The following RGS7BP variants were observed in gnomAD, a reference collection of about 807,000 sequenced individuals.
RGS7BP encodes the protein regulator of G protein signaling 7-binding protein.
In RGS7BP, 9 loss-of-function variants were observed where a neutral mutation model predicts 31.3. That is an observed-to-expected ratio of 0.29 (90% CI 0.17 to 0.50). The LOEUF (loss-of-function observed/expected upper bound fraction) is 0.50, where lower values mean the gene tolerates loss of function less well. RGS7BP is among the 20% of genes least tolerant of loss of function. The probability of loss-of-function intolerance (pLI) is 0.98; values close to 1 mark genes in which losing one functional copy is unlikely to be tolerated. For missense variants in RGS7BP, 274 were observed against 322.0 expected (o/e 0.85, Z 1.14); for synonymous variants, 115 against 120.1 (o/e 0.96, Z 0.28).
intron 2 of RGS7BP, among the ~76,000 whole-genome samples, chr5:64,537,451 T>C (rs1741406299): frequency 6.6e-6 from 1 of 152,122 alleles, no homozygotes; most frequent in Non-Finnish European, 1.5e-5. Context: ...AAAATAAGTT[T>C]AAGATATATA....
intron 5 of RGS7BP, among the ~76,000 whole-genome samples, chr5:64,607,962 G>A (rs1743407243): frequency 6.6e-6 from 1 of 151,996 alleles, no homozygotes; most frequent in South Asian, 2.1e-4. Context: ...CGATTGAGGT[G>A]GGGCACATTC....
chr5:64,519,693 G>A (rs1020510973), intron 2 of RGS7BP, among the ~76,000 whole-genome samples: 5 of 152,198 alleles, frequency 3.3e-5, no homozygotes, highest in African/African-American at 9.7e-5. Flanking sequence ...AGCCAACTAT[G>A]TGCTGTTCCC....
At position 64,600,285 on chromosome 5, in the gene RGS7BP, T is replaced by C. The variant is rs1224061938; in HGVS notation, c.682+1850T>C. Among the ~76,000 whole-genome samples the C allele has an allele frequency of 5.9e-5, 9 of 152,170 alleles. No homozygotes were observed. The East Asian group carries it at 1.7e-3, about 29-fold the overall frequency. On this transcript the variant is annotated intron_variant, in intron 5 of 5. Coordinates refer to ENST00000334025, the MANE Select transcript of RGS7BP (RefSeq NM_001029875.3). ...CCAGGGTCCCCCAGTCTGAATTTCATGGGTGCCACGTCACCTATATTTTAA... is the reference window on the plus strand; with the variant it reads ...CCAGGGTCCCCCAGTCTGAATTTCACGGGTGCCACGTCACCTATATTTTAA...
intron 2 of RGS7BP, among the ~76,000 whole-genome samples, chr5:64,556,228 C>A (rs915296743): frequency 1.3e-5 from 2 of 151,898 alleles, no homozygotes; most frequent in Admixed American, 1.3e-4. Flanking sequence ...TAAATTTGCA[C>A]TTTCCTGATT....
chr5:64,602,096 C>G (rs1484397730), intron 5 of RGS7BP, among the ~76,000 whole-genome samples: 1 of 152,144 alleles, frequency 6.6e-6, no homozygotes, highest in African/African-American at 2.4e-5. Flanking sequence ...AGAGATAGTT[C>G]TCCCAAACTC....
intron 2 of RGS7BP, among the ~76,000 whole-genome samples, chr5:64,563,721 T>C (rs933808271): frequency 6.6e-6 from 1 of 152,150 alleles, no homozygotes; most frequent in Non-Finnish European, 1.5e-5. Flanking sequence ...TAGTTTGTGG[T>C]AATTTGTCAT....
chr5:64,546,143 G>A (rs1741653767), intron 2 of RGS7BP, among the ~76,000 whole-genome samples: 1 of 152,048 alleles, frequency 6.6e-6, no homozygotes, highest in Admixed American at 6.6e-5. Flanking sequence ...GACAGAACAA[G>A]ACTCTGTCTC....
chr5:64,574,911 C>A (rs889830977), intron 2 of RGS7BP, among the ~76,000 whole-genome samples: 17 of 152,234 alleles, frequency 1.1e-4, no homozygotes, highest in South Asian at 2.1e-4. Flanking sequence ...ATAGAGTTCA[C>A]TTTTAGGCTT....
intron 2 of RGS7BP, among the ~76,000 whole-genome samples, chr5:64,554,234 C>G (rs932823925): frequency 6.6e-6 from 1 of 152,116 alleles, no homozygotes; most frequent in Non-Finnish European, 1.5e-5. Context: ...TGAACTGTCT[C>G]CCATAACTTC....
rs1743130785 is a variant in RGS7BP, at chr5:64,598,361, A to G, written c.612-4A>G. 2.0e-6 allele frequency: 3 copies of G among 1,537,010 alleles called. No individual in the cohort carries two copies. Among genetic ancestry groups the G allele is most frequent in the Admixed American group, 1.7e-5 (1 of 59,854 alleles). On this transcript the variant is annotated splice_region_variant and splice_polypyrimidine_tract_variant and intron_variant, in intron 4 of 5. Coordinates refer to ENST00000334025, the MANE Select transcript of RGS7BP (RefSeq NM_001029875.3). ...ATTATTCTGTCTTTTTATCAATTTTACAGAGACATGAGAGAAATGAAAAAC... is the reference window on the plus strand; with the variant it reads ...ATTATTCTGTCTTTTTATCAATTTTGCAGAGACATGAGAGAAATGAAAAAC...
At chr5:64,577,312 G>C (rs1370433817) in intron 3 of RGS7BP, among the ~76,000 whole-genome samples, 1 of 151,864 alleles carries the variant, frequency 6.6e-6, no homozygotes, top group East Asian at 1.9e-4. Flanking sequence ...CTTGGTGGGG[G>C]GCGCCTGTAA....
chr5:64,509,700 T>C (rs1342494595), intron 2 of RGS7BP, among the ~76,000 whole-genome samples: 1 of 152,124 alleles, frequency 6.6e-6, no homozygotes, highest in Non-Finnish European at 1.5e-5. Flanking sequence ...GTGGATTTTA[T>C]TTACTCTGGT....
intron 2 of RGS7BP, among the ~76,000 whole-genome samples, chr5:64,525,139 C>A (rs950935490): frequency 1.3e-5 from 2 of 152,088 alleles, no homozygotes; most frequent in African/African-American, 4.8e-5. Context: ...TGTTTCCCAG[C>A]CATTTCAACT....
At chr5:64,535,602 C>T (rs888490024) in intron 2 of RGS7BP, among the ~76,000 whole-genome samples, 2 of 152,176 alleles carry the variant, frequency 1.3e-5, no homozygotes, top group African/African-American at 4.8e-5. Context: ...AAAGGTTATC[C>T]AACATAGAGA....
At chr5:64,583,525 G>A (rs1185146803) in intron 3 of RGS7BP, among the ~76,000 whole-genome samples, 1 of 152,038 alleles carries the variant, frequency 6.6e-6, no homozygotes, top group Non-Finnish European at 1.5e-5. Context: ...GGAAAAGAAA[G>A]AACAGAAATA....
intron 2 of RGS7BP, among the ~76,000 whole-genome samples, chr5:64,517,016 GAAAA>G (rs58172150): frequency 1.3e-5 from 1 of 77,006 alleles, no homozygotes; most frequent in African/African-American, 4.2e-5. Flanking sequence ...TTCTCGCCCA[GAAAA>G]AAAAAAAAAA....
intron 2 of RGS7BP, among the ~76,000 whole-genome samples, chr5:64,515,925 G>A (rs1245792777): frequency 6.6e-6 from 1 of 151,814 alleles, no homozygotes; most frequent in African/African-American, 2.4e-5. Flanking sequence ...TCAGCCTCCT[G>A]AGTAGCTGGG....
intron 3 of RGS7BP, 145 bp downstream of exon 3, chr5:64,576,049 A>G (rs1234942001): frequency 1.4e-6 from 1 of 695,680 alleles, no homozygotes; most frequent in Non-Finnish European, 2.3e-6. Context: ...TTGCTATATA[A>G]ATGAATAAGA....
intron 4 of RGS7BP, among the ~76,000 whole-genome samples, chr5:64,597,793 C>T (rs1203783241): frequency 2.0e-5 from 3 of 151,906 alleles, no homozygotes; most frequent in Admixed American, 6.6e-5. Flanking sequence ...GTGGGTAAAA[C>T]GTACATTATT....
Sources: allele counts gnomAD v4.1 joint callset (sites outside exome capture counted in the v4.1 genomes callset), GRCh38; gene constraint gnomAD v4.1.1; transcripts MANE v1.5; gene names NCBI Gene and HGNC (gene_info 2026-07-23, HGNC 2026-07-21).